The following SLC35D4 variants were observed in gnomAD, a reference collection of about 807,000 sequenced individuals.
SLC35D4 encodes the protein solute carrier family 35 member D4, also known as UDP-N-acetylglucosamine transporter SLC35D4.
chr18:23,380,020 C>G, the SLC35D4 span, among the ~76,000 whole-genome samples: 3 of 152,124 alleles, frequency 2.0e-5, no homozygotes, highest in African/African-American at 7.2e-5. Flanking sequence ...TCGCTTAGAA[C>G]CGGGAGGCGG....
At chr18:23,263,843 G>A in the SLC35D4 span, among the ~76,000 whole-genome samples, 91 of 152,342 alleles carry the variant, frequency 6.0e-4, no homozygotes, top group Non-Finnish European at 1.0e-3. Context: ...GCCCCCAAAT[G>A]TCACAGAAAG....
the SLC35D4 span, among the ~76,000 whole-genome samples, chr18:23,325,469 T>C: frequency 6.6e-6 from 1 of 152,100 alleles, no homozygotes; most frequent in Non-Finnish European, 1.5e-5. Context: ...TGTGGCCGCA[T>C]GATTCCTGGC....
At chr18:23,242,505 T>C in the SLC35D4 span, among the ~76,000 whole-genome samples, 3 of 152,304 alleles carry the variant, frequency 2.0e-5, no homozygotes, top group Admixed American at 6.5e-5. Context: ...TATGTATCAT[T>C]AGAACGTGGC....
chr18:23,366,578 C>A, the SLC35D4 span, among the ~76,000 whole-genome samples: 3 of 152,092 alleles, frequency 2.0e-5, no homozygotes, highest in African/African-American at 2.4e-5. Context: ...TTGTTATGGC[C>A]CCTCAGTGGC....
the SLC35D4 span, among the ~76,000 whole-genome samples, chr18:23,419,939 T>C: frequency 6.6e-6 from 1 of 152,202 alleles, no homozygotes; most frequent in South Asian, 2.1e-4. Context: ...TATATACGTA[T>C]GTATGCATAT....
the SLC35D4 span, among the ~76,000 whole-genome samples, chr18:23,339,812 C>A: frequency 0.025 from 3,742 of 152,026 alleles, 52 homozygotes; most frequent in Middle Eastern, 0.058. Flanking sequence ...TCTCTGGGAC[C>A]TCTTTTACAA....
chr18:23,319,333 C>T, the SLC35D4 span, among the ~76,000 whole-genome samples: 7 of 151,792 alleles, frequency 4.6e-5, no homozygotes, highest in Non-Finnish European at 8.8e-5. Flanking sequence ...TGCAATAGCA[C>T]GATCTTGGCT....
the SLC35D4 span, among the ~76,000 whole-genome samples, chr18:23,417,250 A>C: frequency 6.6e-6 from 1 of 152,048 alleles, no homozygotes. Flanking sequence ...TCAAAAAAAA[A>C]AAAAAATTAA....
chr18:23,344,587 CTTTTTTTTTCTTCT>C, the SLC35D4 span, among the ~76,000 whole-genome samples: 12 of 134,100 alleles, frequency 8.9e-5, no homozygotes, highest in East Asian at 2.4e-4. Context: ...TTTTCTTTTT[CTTTTTTTTTCTTCT>C]TTTTTTTTTT....
chr18:23,269,617 A>G, the SLC35D4 span, among the ~76,000 whole-genome samples: 1 of 152,238 alleles, frequency 6.6e-6, no homozygotes, highest in Non-Finnish European at 1.5e-5. Context: ...GGCTCAGAAG[A>G]AGACAGGAAG....
the SLC35D4 span, among the ~76,000 whole-genome samples, chr18:23,414,517 A>C: frequency 6.6e-6 from 1 of 151,896 alleles, no homozygotes; most frequent in Non-Finnish European, 1.5e-5. Flanking sequence ...TTCTAAAAGT[A>C]GAAAAATAAG....
At chr18:23,243,757 A>C in the SLC35D4 span, among the ~76,000 whole-genome samples, 1,152 of 151,416 alleles carry the variant, frequency 7.6e-3, 11 homozygotes, top group African/African-American at 0.027. Flanking sequence ...CTGTAATCCC[A>C]GTTACTCAGG....
chr18:23,415,042 T>C, the SLC35D4 span, among the ~76,000 whole-genome samples: 2 of 152,000 alleles, frequency 1.3e-5, no homozygotes, highest in Admixed American at 6.6e-5. Flanking sequence ...AACCTAGGAG[T>C]TGCAGGCTAC....
the SLC35D4 span, among the ~76,000 whole-genome samples, chr18:23,239,785 G>GAC: frequency 1.3e-5 from 2 of 152,182 alleles, no homozygotes; most frequent in African/African-American, 4.8e-5. Flanking sequence ...TAAACAAGGA[G>GAC]ACAGAGCACC....
the SLC35D4 span, among the ~76,000 whole-genome samples, chr18:23,380,796 A>C: frequency 2.7e-5 from 4 of 150,876 alleles, no homozygotes; most frequent in East Asian, 5.8e-4. Flanking sequence ...GTGTGTGTGT[A>C]TGTGTGCATG....
the SLC35D4 span, among the ~76,000 whole-genome samples, chr18:23,286,076 TAAATA>T: frequency 6.6e-6 from 1 of 152,128 alleles, no homozygotes; most frequent in Non-Finnish European, 1.5e-5. Context: ...CTCTCAACAT[TAAATA>T]AAACTCCAAA....
At chr18:23,298,127 G>A in the SLC35D4 span, 26 of 1,597,472 alleles carry the variant, frequency 1.6e-5, no homozygotes, top group African/African-American at 6.7e-5. Flanking sequence ...GCTGCCTGGC[G>A]CCCACATACG....
At chr18:23,310,151 C>G in the SLC35D4 span, 1 of 933,782 alleles carries the variant, frequency 1.1e-6, no homozygotes, top group Non-Finnish European at 1.3e-6. Flanking sequence ...AACCTGTTCT[C>G]GGATCCTCCA....
At chr18:23,388,262 T>C in the SLC35D4 span, among the ~76,000 whole-genome samples, 2 of 152,322 alleles carry the variant, frequency 1.3e-5, no homozygotes, top group East Asian at 3.8e-4. Flanking sequence ...TTTATACATG[T>C]AGAATTAATT....
Sources: gnomAD v4.1 joint callset for allele counts (sites outside exome capture counted in the v4.1 genomes callset) on GRCh38, gnomAD v4.1.1 for gene constraint, MANE v1.5 for transcripts, NCBI Gene and HGNC (gene_info 2026-07-23, HGNC 2026-07-21) for gene names.